The following SHANK2 variants were observed in gnomAD, a reference collection of about 807,000 sequenced individuals.
SHANK2 encodes the protein SH3 and multiple ankyrin repeat domains protein 2.
SHANK2 carries 43 observed loss-of-function variants against 133.7 expected under a neutral mutation model. That is an observed-to-expected ratio of 0.32 (90% CI 0.25 to 0.41). The LOEUF is 0.41. Ranked by LOEUF, SHANK2 falls within the 10% of genes least tolerant of loss-of-function variation. The pLI is 1.00. For missense variants in SHANK2, 1,994 were observed against 2,235.8 expected, an observed-to-expected ratio of 0.89 and a Z score of 2.18; for synonymous variants, 1,017 against 952.8, an observed-to-expected ratio of 1.07 and a Z score of -1.24.
chr11:71,215,621 T>C (rs1954395944), intron 2 of SHANK2, among the ~76,000 whole-genome samples: 1 of 152,090 alleles, frequency 6.6e-6, no homozygotes, highest in Non-Finnish European at 1.5e-5. Flanking sequence ...CGAGGAGGTG[T>C]CCCCACATAG....
At chr11:70,930,986 A>T (rs1950496194) in intron 10 of SHANK2, among the ~76,000 whole-genome samples, 1 of 152,126 alleles carries the variant, frequency 6.6e-6, no homozygotes, top group Non-Finnish European at 1.5e-5. Context: ...TTTTCTGGGT[A>T]CGGCTACAGA....
chr11:70,614,183 C>T (rs1375141017), intron 17 of SHANK2, among the ~76,000 whole-genome samples: 1 of 152,200 alleles, frequency 6.6e-6, no homozygotes, highest in East Asian at 1.9e-4. Context: ...CCACCAGAAG[C>T]TGGAAGAGGC....
chr11:70,669,507 A>G, intron 15 of SHANK2: 1 of 152,280 alleles, frequency 6.6e-6, no homozygotes, highest in East Asian at 1.9e-4. Context: ...GGAGCAGCCG[A>G]CCCGCCCTGG....
intron 17 of SHANK2, among the ~76,000 whole-genome samples, chr11:70,506,102 G>C (rs544819645): frequency 2.6e-5 from 4 of 152,212 alleles, no homozygotes; most frequent in Non-Finnish European, 4.4e-5. Context: ...AAGGCCTCTC[G>C]GGGAATGAGC....
At chr11:71,246,336 A>G (rs564286526) in intron 1 of SHANK2, among the ~76,000 whole-genome samples, 1 of 151,996 alleles carries the variant, frequency 6.6e-6, no homozygotes, top group Non-Finnish European at 1.5e-5. Flanking sequence ...CTGACTCTGG[A>G]TTCTCCTTGA....
At position 70,758,378 on chromosome 11, in the gene SHANK2, G is replaced by A. The variant is rs545881682; in HGVS notation, c.1777+40065C>T. Among the ~76,000 whole-genome samples the A allele has an allele frequency of 1.1e-4, 17 of 152,196 alleles. 1 individual carries two copies. The South Asian group carries it at 1.7e-3, about 15-fold the overall frequency. On this transcript the variant is annotated intron_variant, in intron 14 of 25. Coordinates refer to ENST00000601538, the MANE Select transcript of SHANK2 (RefSeq NM_012309.5). ...TGTTCACCGCCATCCCAGACCCGCC[G>A]TTGACTTCCACCCCTCCGGATCTGG...
At chr11:71,129,515 C>A (rs782024803) in intron 3 of SHANK2, among the ~76,000 whole-genome samples, 2 of 152,130 alleles carry the variant, frequency 1.3e-5, no homozygotes, top group Non-Finnish European at 2.9e-5. Context: ...CATGATGGTA[C>A]GTGTCTGCAG....
chr11:70,947,177 A>G (rs1950759651), intron 10 of SHANK2, among the ~76,000 whole-genome samples: 1 of 148,158 alleles, frequency 6.7e-6, no homozygotes, highest in Non-Finnish European at 1.5e-5. Flanking sequence ...ACACACACAC[A>G]CACACACACA....
At chr11:71,134,215 G>A (rs115879688) in intron 3 of SHANK2, among the ~76,000 whole-genome samples, 1,851 of 151,528 alleles carry the variant, frequency 0.012, 42 homozygotes, top group African/African-American at 0.043. Context: ...CTCAGTCCAC[G>A]TGCGGTGCCA....
intron 14 of SHANK2, among the ~76,000 whole-genome samples, chr11:70,721,103 C>T (rs142812443): frequency 1.0e-3 from 159 of 152,340 alleles, no homozygotes; most frequent in Non-Finnish European, 1.9e-3. Flanking sequence ...CTCTCTGTGC[C>T]CCTCCCTTTC....
At chr11:70,586,104 C>T (rs528084414) in intron 17 of SHANK2, among the ~76,000 whole-genome samples, 7 of 152,244 alleles carry the variant, frequency 4.6e-5, no homozygotes, top group South Asian at 4.2e-4. Context: ...CTTGGAGAAT[C>T]GCACAGGTGC....
At chr11:70,833,914 G>T (rs1407074558) in intron 11 of SHANK2, among the ~76,000 whole-genome samples, 1 of 152,214 alleles carries the variant, frequency 6.6e-6, no homozygotes, top group African/African-American at 2.4e-5. Flanking sequence ...GTCTCCCCAG[G>T]ACACTGCTTC....
chr11:71,206,491 G>A (rs1168074198), intron 2 of SHANK2, among the ~76,000 whole-genome samples: 2 of 152,004 alleles, frequency 1.3e-5, no homozygotes, highest in South Asian at 2.1e-4. Flanking sequence ...CAGCAGCGCC[G>A]CACCCCCGCC....
intron 8 of SHANK2, among the ~76,000 whole-genome samples, chr11:71,079,666 G>A (rs1012307234): frequency 2.0e-4 from 30 of 151,052 alleles, no homozygotes; most frequent in Admixed American, 1.1e-3. Flanking sequence ...AGGCTGAGGC[G>A]GGAGAATGGC....
At chr11:70,744,640 G>A (rs1254856583) in intron 14 of SHANK2, among the ~76,000 whole-genome samples, 2 of 152,254 alleles carry the variant, frequency 1.3e-5, no homozygotes, top group Non-Finnish European at 2.9e-5. Context: ...CTGTGCCCCT[G>A]CAGCGGTGAC....
At chr11:71,158,967 A>G (rs1952958227) in intron 2 of SHANK2, among the ~76,000 whole-genome samples, 1 of 152,236 alleles carries the variant, frequency 6.6e-6, no homozygotes, top group Non-Finnish European at 1.5e-5. Context: ...GAAAAGCAAC[A>G]CAACAAATCT....
intron 2 of SHANK2, among the ~76,000 whole-genome samples, chr11:71,167,763 C>G (rs1218207138): frequency 4.9e-5 from 7 of 142,462 alleles, no homozygotes; most frequent in Non-Finnish European, 1.1e-4. Flanking sequence ...GCGTCCCTCA[C>G]CTCCCGGACG....
chr11:71,195,300 G>A (rs1262928481), intron 2 of SHANK2, among the ~76,000 whole-genome samples: 15 of 152,092 alleles, frequency 9.9e-5, no homozygotes, highest in Admixed American at 8.5e-4. Context: ...GCTAAGGCAG[G>A]AGAATGGCGT....
chr11:70,769,034 C>A (rs1947187428), intron 14 of SHANK2, among the ~76,000 whole-genome samples: 1 of 152,158 alleles, frequency 6.6e-6, no homozygotes, highest in Non-Finnish European at 1.5e-5. Context: ...GGGGTCTGTC[C>A]ACGCTAGGCC....
Sources: allele counts gnomAD v4.1 joint callset (sites outside exome capture counted in the v4.1 genomes callset), GRCh38; gene constraint gnomAD v4.1.1; transcripts MANE v1.5; gene names NCBI Gene and HGNC (gene_info 2026-07-23, HGNC 2026-07-21).